AIG1: variants seen among roughly 807,000 people sequenced by gnomAD.
AIG1 encodes the protein androgen-induced gene 1 protein.
A neutral mutation model predicts 31.4 loss-of-function variants in AIG1; 23 were observed. That is an observed-to-expected ratio of 0.73 (90% confidence interval 0.53 to 1.04). AIG1 has a LOEUF of 1.04. Ranked by LOEUF, AIG1 falls within the 50% of genes least tolerant of loss-of-function variation. The pLI is 0.00. For synonymous variants in AIG1, 100 were observed against 110.5 expected, an observed-to-expected ratio of 0.90 and a Z score of 0.60; for missense variants, 274 against 295.0, an observed-to-expected ratio of 0.93 and a Z score of 0.52.
intron 4 of AIG1, among the ~76,000 whole-genome samples, chr6:143,308,896 G>A (rs1306222685): frequency 6.6e-6 from 1 of 152,030 alleles, no homozygotes; most frequent in African/African-American, 2.4e-5. Context: ...AACAGTCTGA[G>A]TGTAACATCC....
At chr6:143,089,125 G>T (rs549777623) in intron 1 of AIG1, among the ~76,000 whole-genome samples, 2 of 151,670 alleles carry the variant, frequency 1.3e-5, no homozygotes, top group African/African-American at 4.9e-5. Flanking sequence ...CAGGAGAATC[G>T]CTTGAACCTG....
intron 3 of AIG1, among the ~76,000 whole-genome samples, chr6:143,275,781 T>A (rs1265489997): frequency 1.3e-5 from 2 of 152,190 alleles, no homozygotes; most frequent in African/African-American, 4.8e-5. Context: ...ATACAGCTCA[T>A]CATAGTATAG....
At chr6:143,104,681 C>A (rs1231918233) in intron 1 of AIG1, among the ~76,000 whole-genome samples, 2 of 151,974 alleles carry the variant, frequency 1.3e-5, no homozygotes, top group African/African-American at 4.8e-5. Flanking sequence ...GGGAGGACTG[C>A]TTGAGGCCAG....
At chr6:143,078,755 A>T (rs957525598) in intron 1 of AIG1, among the ~76,000 whole-genome samples, 44 of 152,190 alleles carry the variant, frequency 2.9e-4, no homozygotes, top group African/African-American at 1.0e-3. Flanking sequence ...TCCCTCCCAC[A>T]ACATGTGGGA....
At chr6:143,276,614 G>A (rs1244429490) in intron 3 of AIG1, among the ~76,000 whole-genome samples, 1 of 152,090 alleles carries the variant, frequency 6.6e-6, no homozygotes, top group African/African-American at 2.4e-5. Flanking sequence ...CTGGGGAGAG[G>A]GAGACCCATG....
intron 2 of AIG1, among the ~76,000 whole-genome samples, chr6:143,153,576 G>A (rs373728437): frequency 3.0e-4 from 46 of 152,106 alleles, no homozygotes; most frequent in East Asian, 1.2e-3. Flanking sequence ...CTCGAACTCC[G>A]TACCTCGTGA....
chr6:143,060,900 C>G lies in AIG1; in HGVS notation c.-26C>G, dbSNP rs781014923. On this transcript the variant is annotated 5_prime_UTR_variant, in exon 1 of 6. Transcript: ENST00000357847. ...CCCTCACGCCCGCCCTCCTTGCCGC[C>G]CAGCCGGTCCAGGCCTCTGGCGAAC... 6.8e-7 allele frequency: 1 copy of G among 1,461,002 alleles called. No homozygotes were observed. The highest frequency in any genetic ancestry group is 1.4e-5 in the South Asian group (1 of 70,722). The allele number at this position is 1,461,002 out of a possible 1,614,324, so 90.5% of individuals were successfully genotyped here.
intron 1 of AIG1, among the ~76,000 whole-genome samples, chr6:143,127,271 G>A (rs1253887931): frequency 6.6e-6 from 1 of 151,922 alleles, no homozygotes; most frequent in Admixed American, 6.6e-5. Context: ...TTTCCCATTT[G>A]TTCTCTCCAC....
chr6:143,197,254 A>G (rs753565008), intron 3 of AIG1, among the ~76,000 whole-genome samples: 21 of 151,958 alleles, frequency 1.4e-4, no homozygotes, highest in Non-Finnish European at 2.8e-4. Flanking sequence ...GTTTTTGTAC[A>G]TCAAAACTTT....
intron 1 of AIG1, among the ~76,000 whole-genome samples, chr6:143,078,319 A>G (rs1777912779): frequency 6.6e-6 from 1 of 152,096 alleles, no homozygotes; most frequent in African/African-American, 2.4e-5. Flanking sequence ...AGCTGCCCTA[A>G]AGTCCTTGCC....
chr6:143,341,896 T>A (rs1777864168), downstream of AIG1, among the ~76,000 whole-genome samples: 1 of 152,154 alleles, frequency 6.6e-6, no homozygotes, highest in African/African-American at 2.4e-5. Context: ...AACAATATAA[T>A]CCCTGGGATA....
intron 3 of AIG1, among the ~76,000 whole-genome samples, chr6:143,182,606 G>A (rs753653871): frequency 6.6e-6 from 1 of 151,826 alleles, no homozygotes; most frequent in Non-Finnish European, 1.5e-5. Context: ...CCCTAACCCT[G>A]CTCCCCCTTC....
chr6:143,175,360 G>A (rs1174799970), intron 3 of AIG1, among the ~76,000 whole-genome samples: 2 of 152,202 alleles, frequency 1.3e-5, no homozygotes, highest in Non-Finnish European at 2.9e-5. Flanking sequence ...CTCTAGCAAG[G>A]CCAGGGAAGT....
At chr6:143,343,346 G>A, downstream of AIG1, 1 of 593,320 alleles carries the variant, frequency 1.7e-6, no homozygotes, top group East Asian at 4.3e-5. Context: ...ATGAAATGAG[G>A]ACTAATGCCC....
rs1050979195 is a variant in AIG1, at chr6:143,149,500, T to C, written c.297+12510T>C. Among the ~76,000 whole-genome samples, 62 of 131,836 alleles carry C rather than the reference T, an allele frequency of 4.7e-4. 1 individual carries two copies. Among genetic ancestry groups the C allele is most frequent in the African/African-American group, 1.9e-3 (62 of 33,146 alleles). The allele number at this position is 131,836 out of a possible 152,430, so 86.5% of individuals were successfully genotyped here. A position where few individuals can be genotyped will look rare whatever the true frequency, so the allele number is the denominator to read the frequency against. ...CGAGATCGCGCCACTGCACTCGCAC[T>C]CTAGGCTGGGAGAGAGAGTGAGACT... On this transcript the variant is annotated intron_variant, in intron 2 of 5. Transcript: ENST00000357847.
intron 2 of AIG1, among the ~76,000 whole-genome samples, chr6:143,157,271 G>A (rs1364983834): frequency 2.0e-5 from 3 of 152,166 alleles, no homozygotes; most frequent in Admixed American, 6.5e-5. Context: ...GCCCTCTGCG[G>A]GCCAGGCTCC....
At chr6:143,101,085 A>T (rs567462533) in intron 1 of AIG1, among the ~76,000 whole-genome samples, 108 of 151,952 alleles carry the variant, frequency 7.1e-4, no homozygotes, top group African/African-American at 2.5e-3. Flanking sequence ...TTTTCATATA[A>T]TTTTTTTTGC....
At chr6:143,233,155 G>A (rs572510423) in intron 3 of AIG1, among the ~76,000 whole-genome samples, 20 of 152,220 alleles carry the variant, frequency 1.3e-4, no homozygotes, top group African/African-American at 3.9e-4. Flanking sequence ...CTCTTGTCCC[G>A]GATGTCCAGA....
chr6:143,225,653 A>T (rs932337863), intron 3 of AIG1, among the ~76,000 whole-genome samples: 8 of 152,118 alleles, frequency 5.3e-5, no homozygotes, highest in Admixed American at 5.2e-4. Flanking sequence ...GAGGCAGCTT[A>T]TTTAATAATT....
Sources: gnomAD v4.1 joint callset for allele counts (sites outside exome capture counted in the v4.1 genomes callset) on GRCh38, gnomAD v4.1.1 for gene constraint, MANE v1.5 for transcripts, NCBI Gene and HGNC (gene_info 2026-07-23, HGNC 2026-07-21) for gene names.